ELOVL6: variants seen among roughly 807,000 people sequenced by gnomAD.
ELOVL6 encodes ELOVL fatty acid elongase 6.
Under a neutral mutation model 31.7 loss-of-function variants are expected in ELOVL6, and 8 were observed. The observed-to-expected ratio is 0.25, with a 90% CI of 0.15 to 0.45. The LOEUF is 0.45. Among genes scored for constraint, ELOVL6 ranks in the 20% least tolerant of loss-of-function variants. ELOVL6 has a pLI of 1.00. For synonymous variants in ELOVL6, 101 were observed against 117.7 expected (o/e 0.86, Z 0.92); for missense variants, 126 against 326.4 (o/e 0.39, Z 4.73).
intron 1 of ELOVL6, among the ~76,000 whole-genome samples, chr4:110,124,525 G>A (rs1277396938): frequency 6.6e-6 from 1 of 152,114 alleles, no homozygotes; most frequent in African/African-American, 2.4e-5. Context: ...TGGACACGAG[G>A]AAGGGAACAA....
At chr4:110,188,437 C>A (rs1759509625) in intron 1 of ELOVL6, among the ~76,000 whole-genome samples, 1 of 152,060 alleles carries the variant, frequency 6.6e-6, no homozygotes, top group East Asian at 1.9e-4. Flanking sequence ...CCTTGTGACA[C>A]ACCCCTCATC....
chr4:110,054,177 G>A (rs1242743521), intron 3 of ELOVL6, among the ~76,000 whole-genome samples: 1 of 152,158 alleles, frequency 6.6e-6, no homozygotes, highest in African/African-American at 2.4e-5. Context: ...TCAAATTTTT[G>A]TTGAAGTCAT....
intron 2 of ELOVL6, among the ~76,000 whole-genome samples, chr4:110,097,536 T>C (rs1237604984): frequency 1.3e-5 from 2 of 152,116 alleles, no homozygotes; most frequent in Non-Finnish European, 2.9e-5. Flanking sequence ...TTTTAAATAA[T>C]AATACAGTGT....
intron 1 of ELOVL6, among the ~76,000 whole-genome samples, chr4:110,185,622 G>C (rs187862672): frequency 6.6e-6 from 1 of 152,288 alleles, no homozygotes; most frequent in East Asian, 1.9e-4. Context: ...GCTTAGAAAA[G>C]AAGGCCTAGA....
At chr4:110,187,796 G>C (rs1759493076) in intron 1 of ELOVL6, among the ~76,000 whole-genome samples, 1 of 152,096 alleles carries the variant, frequency 6.6e-6, no homozygotes, top group African/African-American at 2.4e-5. Context: ...TTTAGGTACT[G>C]AATGGTCTAA....
chr4:110,149,797 A>G (rs1250524297), intron 1 of ELOVL6, among the ~76,000 whole-genome samples: 2 of 152,248 alleles, frequency 1.3e-5, no homozygotes, highest in African/African-American at 2.4e-5. Flanking sequence ...ATCTGCCTAC[A>G]TAGAAAAATC....
chr4:110,071,464 T>C (rs941314823), intron 2 of ELOVL6, among the ~76,000 whole-genome samples: 3 of 152,242 alleles, frequency 2.0e-5, no homozygotes, highest in Non-Finnish European at 2.9e-5. Flanking sequence ...AGCAAGTATG[T>C]GTATGCTCTG....
chr4:110,144,300 A>C (rs1758046408), intron 1 of ELOVL6, among the ~76,000 whole-genome samples: 1 of 152,174 alleles, frequency 6.6e-6, no homozygotes, highest in Non-Finnish European at 1.5e-5. Flanking sequence ...GTACTTTTAC[A>C]AGAAATGGAG....
At chr4:110,056,124 G>GT (rs200634992) in intron 3 of ELOVL6, among the ~76,000 whole-genome samples, 8 of 134,126 alleles carry the variant, frequency 6.0e-5, no homozygotes, top group South Asian at 2.6e-4. Flanking sequence ...GTGGGAGCTG[G>GT]GGGGGGGGAT....
At chr4:110,189,592 C>CA (rs761765202) in intron 1 of ELOVL6, among the ~76,000 whole-genome samples, 14,454 of 75,136 alleles carry the variant, frequency 0.19, 2,182 homozygotes, top group Non-Finnish European at 0.22. Flanking sequence ...GACTCTGTCT[C>CA]AAAAAAAAAA....
intron 2 of ELOVL6, among the ~76,000 whole-genome samples, chr4:110,065,617 C>T (rs532203871): frequency 2.0e-4 from 30 of 152,242 alleles, no homozygotes; most frequent in Middle Eastern, 3.4e-3. Flanking sequence ...GAGTGAGACC[C>T]TTTCTCAAAA....
chr4:110,184,401 G>C (rs1396757684), intron 1 of ELOVL6, among the ~76,000 whole-genome samples: 1 of 152,168 alleles, frequency 6.6e-6, no homozygotes, highest in African/African-American at 2.4e-5. Flanking sequence ...AAGAGCAATA[G>C]ATATAGATGG....
intron 1 of ELOVL6, among the ~76,000 whole-genome samples, chr4:110,184,384 A>G (rs1759380947): frequency 6.6e-6 from 1 of 152,378 alleles, no homozygotes; most frequent in East Asian, 1.9e-4. Flanking sequence ...CCAGTGAACC[A>G]CAAATAAAGA....
intron 1 of ELOVL6, among the ~76,000 whole-genome samples, chr4:110,136,056 A>G (rs1423042404): frequency 3.3e-5 from 5 of 152,322 alleles, no homozygotes; most frequent in South Asian, 2.1e-4. Context: ...TGGGCTTCTT[A>G]AAGCATTGAT....
At chr4:110,120,570 A>C (rs1220190586) in intron 1 of ELOVL6, among the ~76,000 whole-genome samples, 1 of 152,124 alleles carries the variant, frequency 6.6e-6, no homozygotes, top group African/African-American at 2.4e-5. Context: ...TCAAACTACT[A>C]CTATGCATTG....
At chr4:110,159,991 G>T (rs920088646) in intron 1 of ELOVL6, among the ~76,000 whole-genome samples, 1 of 151,922 alleles carries the variant, frequency 6.6e-6, no homozygotes, top group Non-Finnish European at 1.5e-5. Context: ...TTTTCTTATG[G>T]ATTGGTACGA....
At chr4:110,187,822 C>T (rs1302686975) in intron 1 of ELOVL6, among the ~76,000 whole-genome samples, 9 of 152,100 alleles carry the variant, frequency 5.9e-5, no homozygotes, top group Admixed American at 5.9e-4. Context: ...ACTAAAAAAC[C>T]TGGAAACAAG....
intron 2 of ELOVL6, chr4:110,093,238 CATTAA>C (rs1756475734): frequency 3.3e-5 from 10 of 300,024 alleles, no homozygotes; most frequent in South Asian, 2.9e-4. Context: ...TCAAGTTTAA[CATTAA>C]ATTATGAGGC....
At chr4:110,096,943 A>AAACTGAACAGGAT (rs1276427154) in intron 2 of ELOVL6, among the ~76,000 whole-genome samples, 1 of 152,162 alleles carries the variant, frequency 6.6e-6, no homozygotes, top group East Asian at 1.9e-4. Context: ...GATAATAACA[A>AAACTGAACAGGAT]AACTGAACAG....
Sources: gnomAD v4.1 joint callset for allele counts (sites outside exome capture counted in the v4.1 genomes callset) on GRCh38, gnomAD v4.1.1 for gene constraint, MANE v1.5 for transcripts, NCBI Gene and HGNC (gene_info 2026-07-23, HGNC 2026-07-21) for gene names.